The following IPO5 variants were observed in gnomAD, a reference collection of about 807,000 sequenced individuals.
IPO5 encodes the protein importin 5.
IPO5 carries 18 observed loss-of-function variants against 143.3 expected under a neutral mutation model. That is an observed-to-expected ratio of 0.13 (90% CI 0.09 to 0.19). IPO5 has a LOEUF of 0.19. Ranked by LOEUF, IPO5 falls within the 10% of genes least tolerant of loss-of-function variation. The probability of loss-of-function intolerance (pLI) is 1.00; values close to 1 mark genes in which losing one functional copy is unlikely to be tolerated. For missense variants in IPO5, 1,013 were observed against 1,336.9 expected, an observed-to-expected ratio of 0.76 and a Z score of 3.78; for synonymous variants, 477 against 465.7, an observed-to-expected ratio of 1.02 and a Z score of -0.31.
chr13:98,012,309 A>G lies in IPO5; in HGVS notation c.2119A>G (p.Met707Val), dbSNP rs1262673341. Residue 707 changes from methionine (M) to valine (V), a missense_variant, in exon 21 of 29, where the codon ATG (methionine) becomes GTG (valine). Around this residue, in one of 2 missense-constraint regions of IPO5, gnomAD observed 685 missense variants for 994.9 expected, o/e 0.69. Transcript: ENST00000651721. Reference sequence around the variant, plus strand: ...GTACACCGAACAGGTTGTCAAACTGATGGTCCCTTTACTGAAATTTTATTT... The same window carrying G: ...GTACACCGAACAGGTTGTCAAACTGGTGGTCCCTTTACTGAAATTTTATTT... ...VEYTEQVVKL[M>V]VPLLKFYFHD... The G allele has an allele frequency of 6.2e-7, 1 of 1,611,078 alleles. No homozygotes were observed.
At chr13:98,008,682 A>G (rs1889466124) in intron 18 of IPO5, among the ~76,000 whole-genome samples, 1 of 152,124 alleles carries the variant, frequency 6.6e-6, no homozygotes, top group Non-Finnish European at 1.5e-5. Flanking sequence ...ACACATAGGT[A>G]TACATACCCA....
chr13:97,954,168 T>C lies in IPO5; in HGVS notation c.-143T>C. ...AGGACCCATGTGTAGGCACAACTGTTTTCCCTGATCAGGATACTTGCGGCA... is the reference window on the plus strand; with the variant it reads ...AGGACCCATGTGTAGGCACAACTGTCTTCCCTGATCAGGATACTTGCGGCA... On this transcript the variant is annotated 5_prime_UTR_variant, in exon 2 of 29. Transcript: ENST00000651721. 1 of 204,978 alleles carries C rather than the reference T, an allele frequency of 4.9e-6. No homozygotes were observed. Among genetic ancestry groups the C allele is most frequent in the Non-Finnish European group, 1.0e-5 (1 of 98,896 alleles). 12.7% of individuals were successfully genotyped at this position (204,978 alleles called of 1,614,324 possible).
At chr13:97,967,879 C>T (rs959046726) in intron 2 of IPO5, among the ~76,000 whole-genome samples, 27 of 152,186 alleles carry the variant, frequency 1.8e-4, no homozygotes, top group African/African-American at 6.3e-4. Flanking sequence ...GATCCGCCCA[C>T]CTCGGCCTCC....
At chr13:97,983,390 A>G (rs1212291632) in intron 5 of IPO5, among the ~76,000 whole-genome samples, 2 of 152,140 alleles carry the variant, frequency 1.3e-5, no homozygotes, top group Admixed American at 1.3e-4. Flanking sequence ...TATTAGAATC[A>G]TGGTTTTTAG....
chr13:97,999,100 G>C (rs1009761157), intron 12 of IPO5, among the ~76,000 whole-genome samples: 11 of 152,046 alleles, frequency 7.2e-5, no homozygotes, highest in African/African-American at 2.4e-4. Context: ...CTGAGATCAC[G>C]TCATTGCGCT....
chr13:97,965,578 A>T (rs1885260668), intron 2 of IPO5, among the ~76,000 whole-genome samples: 1 of 152,176 alleles, frequency 6.6e-6, no homozygotes, highest in African/African-American at 2.4e-5. Flanking sequence ...GTTCTGTGAA[A>T]GTTACTATTA....
intron 7 of IPO5, among the ~76,000 whole-genome samples, chr13:97,989,450 G>C (rs1233929447): frequency 6.6e-6 from 1 of 152,008 alleles, no homozygotes; most frequent in African/African-American, 2.4e-5. Context: ...TTTATTTGGA[G>C]ATTAACACAA....
chr13:98,008,923 C>T (rs1050787005), intron 18 of IPO5, among the ~76,000 whole-genome samples: 1 of 152,134 alleles, frequency 6.6e-6, no homozygotes, highest in Non-Finnish European at 1.5e-5. Flanking sequence ...TACCATTTTG[C>T]AAAGAAAGCA....
chr13:97,983,676 T>C (rs1360381535), intron 5 of IPO5, among the ~76,000 whole-genome samples: 1 of 151,938 alleles, frequency 6.6e-6, no homozygotes, highest in East Asian at 1.9e-4. Context: ...ACATTACATT[T>C]AGAGTTTGTA....
rs1485038299 is a variant in IPO5 at position 98,022,369 on chromosome 13, A to T, written c.*547A>T. The T allele has an allele frequency of 5.2e-5, 8 of 152,736 alleles. No homozygotes were observed. Among genetic ancestry groups the T allele is most frequent in the African/African-American group, 1.7e-4 (7 of 41,568 alleles). 9.5% of individuals were successfully genotyped at this position (152,736 alleles called of 1,614,324 possible). On this transcript the variant is annotated 3_prime_UTR_variant, in exon 29 of 29. Transcript: ENST00000651721. ...TTTGGTTCTTTTTCCCAGAAGGCTT[A>T]TACAGTGACTCAGTCGGGAAGCTTT...
At chr13:98,000,876 T>C in intron 13 of IPO5, 1 of 537,242 alleles carries the variant, frequency 1.9e-6, no homozygotes, top group Non-Finnish European at 3.3e-6. Flanking sequence ...ATTATTTGAA[T>C]TTTTATGGAA....
At chr13:97,998,632 A>G (rs772631396) in intron 12 of IPO5, among the ~76,000 whole-genome samples, 1 of 152,218 alleles carries the variant, frequency 6.6e-6, no homozygotes, top group African/African-American at 2.4e-5. Context: ...AGTAGTAATG[A>G]TGGCCCCTTA....
At position 97,972,838 on chromosome 13, in the gene IPO5, C is replaced by A. The variant is rs573001811; in HGVS notation, c.-5+3008C>A. The stretch of plus-strand genomic sequence containing the variant: ...TTAATAATATACTTTTTATTATCCC[C>A]ATTTTATAGATGAGAAATTGAGGCT... On this transcript the variant is annotated intron_variant, in intron 3 of 28. Transcript: ENST00000651721. Among the ~76,000 whole-genome samples, 6 of 151,906 alleles carry A rather than the reference C, an allele frequency of 3.9e-5. No homozygotes were observed. The South Asian group carries it at 1.3e-3, about 32-fold the overall frequency.
rs1373079395 is a variant in IPO5, at chr13:98,021,137, A to G, written c.3207+4A>G. The G allele has an allele frequency of 5.7e-6, 9 of 1,592,082 alleles. No homozygotes were observed. Among genetic ancestry groups the G allele is most frequent in the Non-Finnish European group, 7.7e-6 (9 of 1,172,302 alleles). ...CAATGTCGTTCGCCAAGTACAGGTA[A>G]GCTGATTTGGTTGAATTGGGGAGGG... On this transcript the variant is annotated splice_donor_region_variant and intron_variant, in intron 28 of 28. Coordinates refer to ENST00000651721, the MANE Select transcript of IPO5 (RefSeq NM_002271.6).
chr13:97,964,414 C>T (rs77812320), intron 2 of IPO5, among the ~76,000 whole-genome samples: 2 of 148,724 alleles, frequency 1.3e-5, no homozygotes, highest in African/African-American at 4.9e-5. Context: ...CTGCATATGA[C>T]TAGCCAGTTT....
At chr13:98,004,973 G>A (rs1889093971) in intron 16 of IPO5, among the ~76,000 whole-genome samples, 1 of 151,904 alleles carries the variant, frequency 6.6e-6, no homozygotes, top group South Asian at 2.1e-4. Context: ...TCTGCTCACC[G>A]CAACCGCCGT....
intron 3 of IPO5, among the ~76,000 whole-genome samples, chr13:97,972,240 G>GAAAGGGC (rs2139566907): frequency 6.6e-6 from 1 of 152,286 alleles, no homozygotes; most frequent in East Asian, 1.9e-4. Context: ...CTGCAAACCA[G>GAAAGGGC]AAAGGGCAGA....
intron 4 of IPO5, chr13:97,979,840 C>A: frequency 2.2e-6 from 1 of 455,312 alleles, no homozygotes; most frequent in South Asian, 1.6e-5. Flanking sequence ...GTTGAGATTT[C>A]AATAGACAGA....
chr13:98,021,888 C>A lies in IPO5; in HGVS notation c.*66C>A. 2 of 1,178,250 alleles carry A rather than the reference C, an allele frequency of 1.7e-6. No homozygotes were observed. Among genetic ancestry groups the A allele is most frequent in the South Asian group, 1.3e-5 (1 of 74,158 alleles). The allele number at this position is 1,178,250 out of a possible 1,614,324, so 73.0% of individuals were successfully genotyped here. ...AACGCTTACCCTTTCCTTTAGGTTT[C>A]TTTGTTTTGTTTTTGAGCAAAAGAG... On this transcript the variant is annotated 3_prime_UTR_variant, in exon 29 of 29. Coordinates refer to ENST00000651721, the MANE Select transcript of IPO5 (RefSeq NM_002271.6).
Sources: allele counts gnomAD v4.1 joint callset (sites outside exome capture counted in the v4.1 genomes callset), GRCh38; gene constraint gnomAD v4.1.1; regional missense constraint gnomAD v4.1.1; transcripts MANE v1.5; gene names NCBI Gene and HGNC (gene_info 2026-07-23, HGNC 2026-07-21).